The following LCE2B variants were observed in gnomAD, a reference collection of about 807,000 sequenced individuals.
The protein encoded by LCE2B is late cornified envelope 2B.
For synonymous variants in LCE2B, 69 were observed against 52.0 expected (o/e 1.33, Z -1.40); for missense variants, 175 against 141.6 (o/e 1.24, Z -1.20).
At position 152,686,942 on chromosome 1, in the gene LCE2B, G is replaced by A. The variant is rs550794184; in HGVS notation, c.99G>A (p.Leu33=). The A allele has an allele frequency of 2.9e-5, 46 of 1,613,800 alleles. No individual in the cohort carries two copies. In the Middle Eastern group the frequency reaches 4.9e-4, roughly 17 times the overall value. ...CACCTAAGTGTCCCCCTAAATGCCT[G>A]CCCCAGTGCCCAGCTCCATGTTCCC... The part of the protein sequence containing the change: ...KCPPKCPPKC[L]PQCPAPCSPA... The change falls in exon 2 of 2, where the codon CTG becomes CTA. Residue 33 remains leucine, a synonymous_variant. Transcript: ENST00000368780.
chr1:152,686,997 T>C lies in LCE2B; in HGVS notation c.154T>C (p.Ser52Pro). Residue 52 changes from serine to proline, a missense_variant, in exon 2 of 2, where the codon TCT becomes CCT. Physicochemically the swap from Ser to Pro is moderately conservative, Grantham distance 74 (BLOSUM62 -1). Coordinates refer to ENST00000368780, the MANE Select transcript of LCE2B (RefSeq NM_014357.5). ...AGTCTCTTCTTGCTGTGGTCCCATCTCTGGGGGCTGCTGTGGTCCCAGCTC... is the reference window on the plus strand; with the variant it reads ...AGTCTCTTCTTGCTGTGGTCCCATCCCTGGGGGCTGCTGTGGTCCCAGCTC... The part of the protein sequence containing the change: ...PAVSSCCGPI[S>P]GGCCGPSSGG... The C allele has an allele frequency of 6.2e-7, 1 of 1,612,748 alleles. No individual in the cohort carries two copies. Among genetic ancestry groups the C allele is most frequent in the Non-Finnish European group, 8.5e-7 (1 of 1,179,298 alleles).
Position 152,686,872 on chromosome 1 carries a change from G to T in LCE2B, c.29G>T (p.Cys10Phe), listed in dbSNP as rs2101512538. Residue 10 changes from cysteine (C) to phenylalanine (F), a missense_variant, in exon 2 of 2, where the codon TGC becomes TTC. Coordinates refer to ENST00000368780, the MANE Select transcript of LCE2B (RefSeq NM_014357.5). ...TCTTGCCAGCAAAACCAGCAGCAGT[G>T]CCAGCCCCCTCCCAAGTGTCCTCCC... Reference protein sequence around the residue: MSCQQNQQQCQPPPKCPPKC... With the variant: MSCQQNQQQFQPPPKCPPKC... The T allele has an allele frequency of 1.9e-6, 3 of 1,614,110 alleles. No individual in the cohort carries two copies. The highest frequency in any genetic ancestry group is 2.2e-5 in the East Asian group (1 of 44,884).
Position 152,687,203 on chromosome 1 carries a change from A to G in LCE2B, c.*27A>G, listed in dbSNP as rs200132128. 7.5e-6 allele frequency: 12 copies of G among 1,594,858 alleles called. No individual in the cohort carries two copies. The African/African-American group carries it at 1.2e-4, about 16-fold the overall frequency. On this transcript the variant is annotated 3_prime_UTR_variant, in exon 2 of 2. Transcript: ENST00000368780. ...CTGGGCTAAGAAGAACTCTTTGGAC[A>G]GAATGTTTAAGAACCTCCTACAGCC... is the stretch of plus-strand genomic sequence containing the variant.
At chr1:152,686,706 A>T (rs1649143659) in intron 1 of LCE2B, 118 bp from the exon 2 acceptor site, 2 of 1,344,204 alleles carry the variant, frequency 1.5e-6, no homozygotes, top group African/African-American at 1.5e-5. Context: ...CTTTCAGGTT[A>T]CTGATGTGAC....
chr1:152,687,299 C>T lies in LCE2B; in HGVS notation c.*123C>T, dbSNP rs569266797. The T allele has an allele frequency of 4.5e-5, 63 of 1,404,840 alleles. No individual in the cohort carries two copies. The Admixed American group carries it at 1.5e-3, about 33-fold the overall frequency. 87.0% of individuals were successfully genotyped at this position (1,404,840 alleles called of 1,614,324 possible). A position where few individuals can be genotyped will look rare whatever the true frequency, so the allele number is the denominator to read the frequency against. On this transcript the variant is annotated 3_prime_UTR_variant, in exon 2 of 2. Coordinates refer to ENST00000368780, the MANE Select transcript of LCE2B (RefSeq NM_014357.5). The stretch of plus-strand genomic sequence containing the variant: ...ACAGCGACCACAAAGACTCATGGGG[C>T]TTCCCTGGGAGAACTTTGCACTTGA...
Position 152,686,930 on chromosome 1 carries a change from C to T in LCE2B, c.87C>T (p.Pro29=). 6.2e-7 allele frequency: 1 copy of T among 1,614,180 alleles called. No individual in the cohort carries two copies. The highest frequency in any genetic ancestry group is 1.3e-5 in the African/African-American group (1 of 75,024). ...KCTPKCPPKC[P]PKCLPQCPAP... is the part of the protein sequence containing the mutation. ...CCCCAAAATGTCCACCTAAGTGTCCCCCTAAATGCCTGCCCCAGTGCCCAG... is the reference window on the plus strand; with the variant it reads ...CCCCAAAATGTCCACCTAAGTGTCCTCCTAAATGCCTGCCCCAGTGCCCAG... Residue 29 remains proline (P), a synonymous_variant, in exon 2 of 2, where the codon CCC becomes CCT. Transcript: ENST00000368780.
In LCE2B at chr1:152,687,112, A is replaced by G; in HGVS notation, c.269A>G (p.Asp90Gly). 1 of 1,613,492 alleles carries G rather than the reference A, an allele frequency of 6.2e-7. No individual in the cohort carries two copies. The highest frequency in any genetic ancestry group is 8.5e-7 in the Non-Finnish European group (1 of 1,179,870). ...LFHRRRHQSP[D>G]CCESEPSGGS... is the part of the protein sequence containing the mutation. ...CACCGGCGCCGGCACCAGAGCCCCG[A>G]CTGCTGTGAGAGTGAACCTTCTGGG... is the stretch of plus-strand genomic sequence containing the variant. The change falls in exon 2 of 2, where the codon GAC becomes GGC. Residue 90 changes from aspartate (D) to glycine (G), a missense_variant. Transcript: ENST00000368780.
At position 152,687,279 on chromosome 1, in the gene LCE2B, G is replaced by A. The variant is rs753504995; in HGVS notation, c.*103G>A. 8.8e-6 allele frequency: 13 copies of A among 1,475,610 alleles called. No individual in the cohort carries two copies. In the East Asian group the frequency reaches 1.2e-4, roughly 13 times the overall value. The allele number at this position is 1,475,610 out of a possible 1,614,324, so 91.4% of individuals were successfully genotyped here. A position where few individuals can be genotyped will look rare whatever the true frequency, so the allele number is the denominator to read the frequency against. On this transcript the variant is annotated 3_prime_UTR_variant, in exon 2 of 2. Coordinates refer to ENST00000368780, the MANE Select transcript of LCE2B (RefSeq NM_014357.5). ...CTCATTCCATTCATGGGTGGACAGC[G>A]ACCACAAAGACTCATGGGGCTTCCC...
At position 152,687,294 on chromosome 1, in the gene LCE2B, T is replaced by A; in HGVS notation, c.*118T>A. On this transcript the variant is annotated 3_prime_UTR_variant, in exon 2 of 2. Coordinates refer to ENST00000368780, the MANE Select transcript of LCE2B (RefSeq NM_014357.5). ...GGTGGACAGCGACCACAAAGACTCA[T>A]GGGGCTTCCCTGGGAGAACTTTGCA... 7.0e-7 allele frequency: 1 copy of A among 1,433,454 alleles called. No homozygotes were observed. Among genetic ancestry groups the A allele is most frequent in the Non-Finnish European group, 9.3e-7 (1 of 1,073,440 alleles). The allele number at this position is 1,433,454 out of a possible 1,614,324, so 88.8% of individuals were successfully genotyped here.
At position 152,687,254 on chromosome 1, in the gene LCE2B, C is replaced by T; in HGVS notation, c.*78C>T. On this transcript the variant is annotated 3_prime_UTR_variant, in exon 2 of 2. Transcript: ENST00000368780. ...TGATGCTTAACCCTTTCCATTTCCT[C>T]TCATTCCATTCATGGGTGGACAGCG... 6.6e-7 allele frequency: 1 copy of T among 1,525,046 alleles called. No individual in the cohort carries two copies. The highest frequency in any genetic ancestry group is 8.8e-7 in the Non-Finnish European group (1 of 1,138,134). 94.5% of individuals were successfully genotyped at this position (1,525,046 alleles called of 1,614,324 possible).
At position 152,687,055 on chromosome 1, in the gene LCE2B, G is replaced by A. The variant is rs1228200956; in HGVS notation, c.212G>A (p.Cys71Tyr). 1.2e-6 allele frequency: 2 copies of A among 1,613,596 alleles called. No individual in the cohort carries two copies. The highest frequency in any genetic ancestry group is 1.7e-6 in the Non-Finnish European group (2 of 1,179,934). The change falls in exon 2 of 2, where the codon TGC becomes TAC. Residue 71 changes from cysteine to tyrosine, a missense_variant. By Grantham distance (194) the Cys-to-Tyr change is radical. Transcript: ENST00000368780. ...TGCTGCAACTCTGGGGCTGGTGGCT[G>A]CTGCCTGAGCCACCACAGGCCCCGT... ...GGCCNSGAGG[C>Y]CLSHHRPRLF...
At position 152,687,122 on chromosome 1, in the gene LCE2B, G is replaced by A. The variant is rs745755597; in HGVS notation, c.279G>A (p.Glu93=). 1.5e-5 allele frequency: 24 copies of A among 1,613,646 alleles called. No individual in the cohort carries two copies. The highest frequency in any genetic ancestry group is 2.0e-5 in the Non-Finnish European group (24 of 1,179,928). ...GGCACCAGAGCCCCGACTGCTGTGA[G>A]AGTGAACCTTCTGGGGGCTCTGGCT... ...RRRHQSPDCC[E]SEPSGGSGCC... The change falls in exon 2 of 2, where the codon GAG becomes GAA. Residue 93 remains glutamate (E), a synonymous_variant. Coordinates refer to ENST00000368780, the MANE Select transcript of LCE2B (RefSeq NM_014357.5).
At position 152,686,828 on chromosome 1, in the gene LCE2B, A is replaced by T. The variant is rs746727396; in HGVS notation, c.-16A>T. The T allele has an allele frequency of 2.4e-5, 38 of 1,613,774 alleles. No individual in the cohort carries two copies. The highest frequency in any genetic ancestry group is 3.1e-5 in the Non-Finnish European group (36 of 1,179,902). On this transcript the variant is annotated 5_prime_UTR_variant, in exon 2 of 2. Coordinates refer to ENST00000368780, the MANE Select transcript of LCE2B (RefSeq NM_014357.5). The stretch of plus-strand genomic sequence containing the variant: ...AGTTTCATTATTATCTTTCAGGTTG[A>T]CTAAACTCTGCCAGGATGTCTTGCC...
In LCE2B at chr1:152,687,083, C is replaced by A; in HGVS notation, c.240C>A (p.Leu80=). ...GCCTGAGCCACCACAGGCCCCGTCTCTTCCACCGGCGCCGGCACCAGAGCC... is the reference window on the plus strand; with the variant it reads ...GCCTGAGCCACCACAGGCCCCGTCTATTCCACCGGCGCCGGCACCAGAGCC... The part of the protein sequence containing the change: ...GCCLSHHRPR[L]FHRRRHQSPD... The change falls in exon 2 of 2, where the codon CTC becomes CTA. Residue 80 remains leucine, a synonymous_variant. Transcript: ENST00000368780. 1 of 1,613,912 alleles carries A rather than the reference C, an allele frequency of 6.2e-7. No homozygotes were observed. The highest frequency in any genetic ancestry group is 8.5e-7 in the Non-Finnish European group (1 of 1,179,998).
rs573302372 is a variant in LCE2B, at chr1:152,686,981, T to TTGCTGTGGTCCCATCTCTGGGGGC, written c.152_175dup (p.Ile51_Pro58dup). The TTGCTGTGGTCCCATCTCTGGGGGC allele has an allele frequency of 8.1e-4, 1,302 of 1,613,924 alleles. 10 individuals carry two copies. The African/African-American group carries it at 0.015, about 18-fold the overall frequency. On this transcript the variant is annotated inframe_insertion, in exon 2 of 2. Coordinates refer to ENST00000368780, the MANE Select transcript of LCE2B (RefSeq NM_014357.5). ...CTCCATGTTCCCCTGCAGTCTCTTCTTGCTGTGGTCCCATCTCTGGGGGCT... is the reference window on the plus strand; with the variant it reads ...CTCCATGTTCCCCTGCAGTCTCTTCTTGCTGTGGTCCCATCTCTGGGGGCTGCTGTGGTCCCATCTCTGGGGGCT...
intron 1 of LCE2B, among the ~76,000 whole-genome samples, chr1:152,686,534 G>A (rs1649136577): frequency 6.6e-6 from 1 of 151,916 alleles, no homozygotes; most frequent in Non-Finnish European, 1.5e-5. Context: ...TGGTCCTTAG[G>A]GCTTGTATTA....
chr1:152,686,312 A>G (rs1253380098), intron 1 of LCE2B, among the ~76,000 whole-genome samples, 156 bp downstream of exon 1: 3 of 152,058 alleles, frequency 2.0e-5, no homozygotes, highest in South Asian at 4.1e-4. Context: ...TGTGAGGCCT[A>G]CCGGAGGTCG....
In LCE2B at chr1:152,687,015, C is replaced by T. The variant is rs1649157524; in HGVS notation, c.172C>T (p.Pro58Ser). The T allele has an allele frequency of 2.5e-6, 4 of 1,613,784 alleles. No individual in the cohort carries two copies. Among genetic ancestry groups the T allele is most frequent in the Non-Finnish European group, 3.4e-6 (4 of 1,179,824 alleles). ...TCCCATCTCTGGGGGCTGCTGTGGT[C>T]CCAGCTCTGGGGGCTGCTGCAACTC... ...CGPISGGCCG[P>S]SSGGCCNSGA... Residue 58 changes from proline (P) to serine (S), a missense_variant, in exon 2 of 2, where the codon CCC (proline) becomes TCC (serine). Pro to Ser is a moderately conservative substitution (Grantham distance 74). Coordinates refer to ENST00000368780, the MANE Select transcript of LCE2B (RefSeq NM_014357.5).
rs61730791 is a variant in LCE2B, at chr1:152,686,916, C to T, written c.73C>T (p.Pro25Ser). The change falls in exon 2 of 2, where the codon CCA (proline) becomes TCA (serine). Residue 25 changes from proline (P) to serine (S), a missense_variant. Pro to Ser is a moderately conservative substitution (Grantham distance 74, BLOSUM62 -1). Transcript: ENST00000368780. Reference protein sequence around the residue: ...KCPPKCTPKCPPKCPPKCLPQ... With the variant: ...KCPPKCTPKCSPKCPPKCLPQ... ...TCCTCCCAAGTGTACCCCAAAATGTCCACCTAAGTGTCCCCCTAAATGCCT... is the reference window on the plus strand; with the variant it reads ...TCCTCCCAAGTGTACCCCAAAATGTTCACCTAAGTGTCCCCCTAAATGCCT... 2,820 of 1,614,148 alleles carry T rather than the reference C, an allele frequency of 1.7e-3. 45 individuals carry two copies. In the African/African-American group the frequency reaches 0.033, roughly 19 times the overall value.
Sources: gnomAD v4.1 joint callset for allele counts (sites outside exome capture counted in the v4.1 genomes callset) on GRCh38, gnomAD v4.1.1 for gene constraint, MANE v1.5 for transcripts, NCBI Gene and HGNC (gene_info 2026-07-23, HGNC 2026-07-21) for gene names.